The following SLC41A2 variants were observed in gnomAD, a reference collection of about 807,000 sequenced individuals.
SLC41A2 encodes solute carrier family 41 member 2.
Under a neutral mutation model 58.3 loss-of-function variants are expected in SLC41A2, and 32 were observed. That is an observed-to-expected ratio of 0.55 (90% confidence interval 0.41 to 0.74). SLC41A2 has a LOEUF of 0.74. Ranked by LOEUF, SLC41A2 falls within the 30% of genes least tolerant of loss-of-function variation. The pLI is 0.00. For synonymous variants in SLC41A2, 190 were observed against 235.0 expected (o/e 0.81, Z 1.75); for missense variants, 514 against 680.6 (o/e 0.76, Z 2.72).
intron 10 of SLC41A2, among the ~76,000 whole-genome samples, chr12:104,814,698 A>C (rs1044728654): frequency 6.6e-6 from 1 of 152,224 alleles, no homozygotes; most frequent in Non-Finnish European, 1.5e-5. Context: ...AAACAAGATA[A>C]TATAGGTAAA....
intron 7 of SLC41A2, among the ~76,000 whole-genome samples, chr12:104,863,023 A>G (rs997299850): frequency 3.3e-5 from 5 of 152,232 alleles, no homozygotes; most frequent in Non-Finnish European, 7.3e-5. Context: ...CCACTGACCA[A>G]CATCTCCGCA....
At chr12:104,851,888 G>A (rs547832595) in intron 8 of SLC41A2, 1 of 152,120 alleles carries the variant, frequency 6.6e-6, no homozygotes, top group Admixed American at 6.5e-5. Context: ...GTTGGTATAT[G>A]ACTATCCACT....
rs2041371538 is a variant in SLC41A2 at position 104,815,750 on chromosome 12, CTGGAAACCCTA to C, written c.1537-10424_1537-10414del. Among the ~76,000 whole-genome samples the C allele has an allele frequency of 2.0e-5, 3 of 152,108 alleles. 1 individual carries two copies. Among genetic ancestry groups the C allele is most frequent in the Non-Finnish European group, 2.9e-5 (2 of 68,022 alleles). ...TGCTTCCCTAATCCAGGTTTCCAGG[CTGGAAACCCTA>C]CTCATTAAAATCTAATATAAATCTA... On this transcript the variant is annotated intron_variant, in intron 10 of 10. Transcript: ENST00000258538.
At chr12:104,950,042 C>G (rs1330270711) in intron 1 of SLC41A2, among the ~76,000 whole-genome samples, 1 of 152,170 alleles carries the variant, frequency 6.6e-6, no homozygotes, top group Non-Finnish European at 1.5e-5. Flanking sequence ...TATGACCAAG[C>G]AGCAAAATGA....
At chr12:104,899,491 T>C (rs2045455659) in intron 3 of SLC41A2, among the ~76,000 whole-genome samples, 1 of 152,180 alleles carries the variant, frequency 6.6e-6, no homozygotes, top group South Asian at 2.1e-4. Context: ...ACTAGGCTTT[T>C]GTCTCTCCCA....
intron 10 of SLC41A2, among the ~76,000 whole-genome samples, chr12:104,826,234 TCTGCACAAAGGTTTGG>T (rs1322891097): frequency 6.6e-6 from 1 of 152,176 alleles, no homozygotes; most frequent in African/African-American, 2.4e-5. Flanking sequence ...CTCATAGCTC[TCTGCACAAAGGTTTGG>T]CCAAATTATG....
intron 2 of SLC41A2, among the ~76,000 whole-genome samples, chr12:104,914,308 A>G (rs527993655): frequency 1.3e-5 from 2 of 152,178 alleles, no homozygotes; most frequent in Non-Finnish European, 2.9e-5. Context: ...ATAGTATTTA[A>G]TGTCATTTTT....
intron 1 of SLC41A2, among the ~76,000 whole-genome samples, chr12:104,935,086 T>C (rs1468656674): frequency 1.3e-5 from 2 of 152,162 alleles, no homozygotes; most frequent in African/African-American, 4.8e-5. Context: ...GCTTCCCAAG[T>C]AGCTGGGATT....
chr12:104,812,087 T>C lies in SLC41A2; in HGVS notation c.1537-6750A>G, dbSNP rs903116357. On this transcript the variant is annotated intron_variant, in intron 10 of 10. Transcript: ENST00000258538. ...TGCATACCTAACCAGAGGATTCCTC[T>C]AGACTTGTATTTTGTTCTGAGAACA... Among the ~76,000 whole-genome samples, 8 of 152,362 alleles carry C rather than the reference T, an allele frequency of 5.3e-5. 1 individual carries two copies. Among genetic ancestry groups the C allele is most frequent in the Admixed American group, 1.3e-4 (2 of 15,302 alleles).
At chr12:104,947,808 A>G (rs935538472) in intron 1 of SLC41A2, among the ~76,000 whole-genome samples, 1 of 152,124 alleles carries the variant, frequency 6.6e-6, no homozygotes, top group African/African-American at 2.4e-5. Flanking sequence ...TTTAATTTAA[A>G]TATCATATCT....
chr12:104,860,451 G>A (rs1486179167), intron 8 of SLC41A2, among the ~76,000 whole-genome samples: 1 of 151,028 alleles, frequency 6.6e-6, no homozygotes, highest in Non-Finnish European at 1.5e-5. Flanking sequence ...CGGTAGACTG[G>A]ATTAAAATGA....
At chr12:104,811,094 C>T (rs1315325905) in intron 10 of SLC41A2, among the ~76,000 whole-genome samples, 2 of 152,042 alleles carry the variant, frequency 1.3e-5, no homozygotes, top group Non-Finnish European at 2.9e-5. Context: ...TTGTTCATGG[C>T]CAAAGGATAC....
chr12:104,889,482 C>T (rs1445893957), intron 4 of SLC41A2, among the ~76,000 whole-genome samples: 3 of 152,128 alleles, frequency 2.0e-5, no homozygotes, highest in African/African-American at 7.2e-5. Context: ...CACCTTCAGA[C>T]TGAGAAGTAC....
At chr12:104,938,486 G>C (rs1267752510) in intron 1 of SLC41A2, among the ~76,000 whole-genome samples, 1 of 152,172 alleles carries the variant, frequency 6.6e-6, no homozygotes, top group Non-Finnish European at 1.5e-5. Flanking sequence ...CATCAGGTTT[G>C]GCCATGGGAC....
At chr12:104,903,098 C>T (rs2045635315) in intron 3 of SLC41A2, among the ~76,000 whole-genome samples, 2 of 152,154 alleles carry the variant, frequency 1.3e-5, no homozygotes, top group African/African-American at 4.8e-5. Context: ...ATCCATCAAT[C>T]AATTCTGTTG....
At chr12:104,840,086 C>T (rs1202497505) in intron 10 of SLC41A2, among the ~76,000 whole-genome samples, 2 of 152,088 alleles carry the variant, frequency 1.3e-5, no homozygotes, top group African/African-American at 2.4e-5. Context: ...TGAAGAATAC[C>T]GTAGGGCGTA....
At chr12:104,870,858 T>C (rs2043735514) in intron 6 of SLC41A2, among the ~76,000 whole-genome samples, 1 of 151,870 alleles carries the variant, frequency 6.6e-6, no homozygotes, top group Non-Finnish European at 1.5e-5. Flanking sequence ...CTGTAAGTTG[T>C]GATTTTTTTC....
chr12:104,844,253 A>T (rs1437234994), intron 10 of SLC41A2, among the ~76,000 whole-genome samples: 1 of 152,224 alleles, frequency 6.6e-6, no homozygotes, highest in African/African-American at 2.4e-5. Flanking sequence ...TAGTGAAATT[A>T]TCTGACTCTA....
At chr12:104,927,732 G>A (rs1041740994) in intron 2 of SLC41A2, among the ~76,000 whole-genome samples, 5 of 151,866 alleles carry the variant, frequency 3.3e-5, no homozygotes, top group African/African-American at 1.2e-4. Context: ...CTCTTCCAAG[G>A]TCTGTAGAGA....
Sources: gnomAD v4.1 joint callset for allele counts (sites outside exome capture counted in the v4.1 genomes callset) on GRCh38, gnomAD v4.1.1 for gene constraint, MANE v1.5 for transcripts, NCBI Gene and HGNC (gene_info 2026-07-23, HGNC 2026-07-21) for gene names.